FCER1G: variants seen among roughly 807,000 people sequenced by gnomAD.
FCER1G encodes the protein Fc epsilon receptor Ig, also known as high affinity immunoglobulin epsilon receptor subunit gamma.
A neutral mutation model predicts 17.3 loss-of-function variants in FCER1G; 7 were observed. That is an observed-to-expected ratio of 0.40 (90% CI 0.23 to 0.76). FCER1G has a LOEUF of 0.76. FCER1G is among the 30% of genes least tolerant of loss of function. The pLI is 0.35. For synonymous variants in FCER1G, 35 were observed against 38.7 expected, an observed-to-expected ratio of 0.90 and a Z score of 0.35; for missense variants, 87 against 97.7, an observed-to-expected ratio of 0.89 and a Z score of 0.46.
At chr1:161,216,668 T>C (rs1169952662) in intron 1 of FCER1G, among the ~76,000 whole-genome samples, 1 of 152,174 alleles carries the variant, frequency 6.6e-6, no homozygotes, top group African/African-American at 2.4e-5. Context: ...TCTGAAGCTC[T>C]ACAGCTCCAG....
chr1:161,218,553 A>G (rs1666096795), intron 3 of FCER1G, 150 bp from the exon 4 acceptor site: 1 of 776,330 alleles, frequency 1.3e-6, no homozygotes, highest in Non-Finnish European at 2.3e-6. Flanking sequence ...GTGGGCAAAC[A>G]GGTATCCATG....
intron 3 of FCER1G, 152 bp downstream of exon 3, chr1:161,218,428 A>G (rs1468211469): frequency 1.4e-6 from 1 of 732,352 alleles, no homozygotes; most frequent in Non-Finnish European, 2.5e-6. Flanking sequence ...TTACCTAGCC[A>G]AGCCACAAGT....
chr1:161,216,411 CAT>C (rs71090369), intron 1 of FCER1G, among the ~76,000 whole-genome samples: 69 of 129,802 alleles, frequency 5.3e-4, no homozygotes, highest in South Asian at 7.7e-4. Context: ...CACACACACA[CAT>C]ATATATATAT....
rs1489325223 is a variant in FCER1G, at chr1:161,218,291, A to G, written c.177+15A>G. ...CCAGCTATGAGGTATGGACCCTCCT[A>G]CACCTGGTGTGGACAACTTTTCAGA... is the stretch of plus-strand genomic sequence containing the variant. On this transcript the variant is annotated intron_variant, in intron 3 of 4. Transcript: ENST00000289902. 9 of 1,610,820 alleles carry G rather than the reference A, an allele frequency of 5.6e-6. No homozygotes were observed. The highest frequency in any genetic ancestry group is 1.1e-5 in the South Asian group (1 of 90,994).
In FCER1G at chr1:161,215,496, C is replaced by G. The variant is rs530844219; in HGVS notation, c.49+126C>G. 1.4e-4 allele frequency: 116 copies of G among 835,712 alleles called. 1 individual carries two copies. In the African/African-American group the frequency reaches 1.8e-3, roughly 13 times the overall value. The allele number at this position is 835,712 out of a possible 1,614,324, so 51.8% of individuals were successfully genotyped here. A position where few individuals can be genotyped will look rare whatever the true frequency, so the allele number is the denominator to read the frequency against. ...AGTGGGTAGGTGGGCATAGGGAGAC[C>G]CTGAGGCTAGTCCTCTCCAGCCCCG... is the stretch of plus-strand genomic sequence containing the variant. On this transcript the variant is annotated intron_variant, in intron 1 of 4. Transcript: ENST00000289902.
At position 161,217,972 on chromosome 1, in the gene FCER1G, C is replaced by A. The variant is rs751595969; in HGVS notation, c.50-14C>A. 35 of 1,591,372 alleles carry A rather than the reference C, an allele frequency of 2.2e-5. No homozygotes were observed. Among genetic ancestry groups the A allele is most frequent in the Non-Finnish European group, 2.8e-5 (33 of 1,159,414 alleles). On this transcript the variant is annotated splice_polypyrimidine_tract_variant and intron_variant, in intron 1 of 4. Transcript: ENST00000289902. ...TGATACCCCCGACCCCATGGGCATCCTCTATCCCCTCAGCGGCCCTGGGAG... is the reference window on the plus strand; with the variant it reads ...TGATACCCCCGACCCCATGGGCATCATCTATCCCCTCAGCGGCCCTGGGAG...
intron 1 of FCER1G, 62 bp downstream of exon 1, chr1:161,215,432 T>G (rs1666012582): frequency 6.9e-7 from 1 of 1,457,146 alleles, no homozygotes; most frequent in African/African-American, 1.4e-5. Flanking sequence ...AGAGCTTGGG[T>G]CTGAGGGCCA....
chr1:161,215,924 T>G (rs1182774141), intron 1 of FCER1G, among the ~76,000 whole-genome samples: 2 of 152,058 alleles, frequency 1.3e-5, no homozygotes, highest in African/African-American at 4.8e-5. Flanking sequence ...AGGGTCTTAC[T>G]ATGTTGGCCA....
intron 1 of FCER1G, 103 bp downstream of exon 1, chr1:161,215,473 T>A: frequency 2.0e-6 from 2 of 1,017,128 alleles, no homozygotes; most frequent in Non-Finnish European, 3.1e-6. Flanking sequence ...AGGCTGACAG[T>A]GGGTAGGTGG....
chr1:161,216,369 C>T (rs1421143398), intron 1 of FCER1G, among the ~76,000 whole-genome samples: 1 of 136,594 alleles, frequency 7.3e-6, no homozygotes, highest in Non-Finnish European at 1.5e-5. Flanking sequence ...TATACACACA[C>T]ACACACATAC....
chr1:161,217,753 C>A (rs574480375), intron 1 of FCER1G, among the ~76,000 whole-genome samples: 1 of 152,214 alleles, frequency 6.6e-6, no homozygotes, highest in South Asian at 2.1e-4. Context: ...ATTATTAGTC[C>A]GTGTGAGTCC....
At chr1:161,218,371 C>G in intron 3 of FCER1G, 95 bp downstream of exon 3, 1 of 1,044,692 alleles carries the variant, frequency 9.6e-7, no homozygotes, top group African/African-American at 1.6e-5. Context: ...GGAGGGCCTG[C>G]CTCTCAGGTG....
chr1:161,218,377 A>C, intron 3 of FCER1G, 101 bp downstream of exon 3: 1 of 999,338 alleles, frequency 1.0e-6, no homozygotes, highest in Non-Finnish European at 1.6e-6. Flanking sequence ...CCTGCCTCTC[A>C]GGTGCTGATC....
intron 3 of FCER1G, 28 bp downstream of exon 3, chr1:161,218,304 A>G: frequency 6.2e-7 from 1 of 1,604,110 alleles, no homozygotes; most frequent in East Asian, 2.2e-5. Flanking sequence ...CCTGGTGTGG[A>G]CAACTTTTCA....
At chr1:161,215,394 G>A in intron 1 of FCER1G, 24 bp downstream of exon 1, 1 of 1,608,060 alleles carries the variant, frequency 6.2e-7, no homozygotes. Flanking sequence ...GTGAGGGATA[G>A]CGTGAGCTGG....
intron 1 of FCER1G, among the ~76,000 whole-genome samples, chr1:161,215,904 A>T (rs1288268710): frequency 6.6e-6 from 1 of 151,452 alleles, no homozygotes; most frequent in African/African-American, 2.4e-5. Flanking sequence ...TATTATTATT[A>T]AAAAAAGACA....
intron 1 of FCER1G, 104 bp from the exon 2 acceptor site, chr1:161,217,882 C>A (rs1666080555): frequency 1.3e-6 from 1 of 785,124 alleles, no homozygotes; most frequent in Non-Finnish European, 2.2e-6. Flanking sequence ...AGACGGCTCC[C>A]CTCCAGGCCC....
chr1:161,217,819 G>A (rs1368295196), intron 1 of FCER1G, among the ~76,000 whole-genome samples, 167 bp from the exon 2 acceptor site: 1 of 152,192 alleles, frequency 6.6e-6, no homozygotes, highest in African/African-American at 2.4e-5. Context: ...GGTGTGGGAG[G>A]AGGGAAAGGT....
In FCER1G at chr1:161,218,277, G is replaced by A; in HGVS notation, c.177+1G>A. 1.2e-6 allele frequency: 2 copies of A among 1,613,100 alleles called. No individual in the cohort carries two copies. The highest frequency in any genetic ancestry group is 1.7e-6 in the Non-Finnish European group (2 of 1,179,052). On this transcript the variant is annotated splice_donor_variant, in intron 3 of 4. Transcript: ENST00000289902. LOFTEE classifies it high-confidence loss of function. Reference sequence around the variant, plus strand: ...AAAGGCAGCTATAACCAGCTATGAGGTATGGACCCTCCTACACCTGGTGTG... The same window carrying A: ...AAAGGCAGCTATAACCAGCTATGAGATATGGACCCTCCTACACCTGGTGTG...
Sources: gnomAD v4.1 joint callset for allele counts (sites outside exome capture counted in the v4.1 genomes callset) on GRCh38, gnomAD v4.1.1 for gene constraint, MANE v1.5 for transcripts, NCBI Gene and HGNC (gene_info 2026-07-23, HGNC 2026-07-21) for gene names.